GNB5: variants seen among roughly 807,000 people sequenced by gnomAD.
GNB5 encodes guanine nucleotide-binding protein subunit beta-5.
Under a neutral mutation model 55.3 loss-of-function variants are expected in GNB5, and 37 were observed. That is an observed-to-expected ratio of 0.67 (90% CI 0.51 to 0.88). GNB5 has a LOEUF of 0.88. Ranked by LOEUF, GNB5 falls within the 40% of genes least tolerant of loss-of-function variation. The pLI is 0.00. For synonymous variants in GNB5, 219 were observed against 198.5 expected, an observed-to-expected ratio of 1.10 and a Z score of -0.87; for missense variants, 476 against 515.3, an observed-to-expected ratio of 0.92 and a Z score of 0.74.
intron 6 of GNB5, among the ~76,000 whole-genome samples, chr15:52,144,815 C>T (rs1423007102): frequency 2.0e-5 from 3 of 152,198 alleles, no homozygotes; most frequent in African/African-American, 7.2e-5. Context: ...GCTGGCAATA[C>T]TCTGCATGTA....
chr15:52,128,111 A>G, intron 10 of GNB5, 85 bp downstream of exon 10: 1 of 898,600 alleles, frequency 1.1e-6, no homozygotes, highest in East Asian at 2.5e-5. Flanking sequence ...TTACTTCTGT[A>G]ACCAGAAAAA....
intron 8 of GNB5, among the ~76,000 whole-genome samples, chr15:52,134,117 A>G (rs115657103): frequency 0.016 from 2,447 of 152,324 alleles, 70 homozygotes; most frequent in African/African-American, 0.056. Flanking sequence ...ACACCTATAA[A>G]GTCAATGCTC....
At chr15:52,125,759 T>C (rs762446763) in intron 11 of GNB5, 189 bp downstream of exon 11, 7 of 562,226 alleles carry the variant, frequency 1.2e-5, no homozygotes, top group Non-Finnish European at 2.2e-5. Flanking sequence ...TGGAGTGAAG[T>C]TGCCTGGGGC....
chr15:52,173,443 A>G (rs1430670912), intron 3 of GNB5, among the ~76,000 whole-genome samples: 1 of 152,254 alleles, frequency 6.6e-6, no homozygotes, highest in South Asian at 2.1e-4. Flanking sequence ...GACAGAATAT[A>G]TGAAGTAAAC....
chr15:52,145,336 A>G (rs2033948472), intron 6 of GNB5, among the ~76,000 whole-genome samples: 1 of 152,034 alleles, frequency 6.6e-6, no homozygotes. Context: ...CTTTTGAGCT[A>G]TTTTAAAAAT....
Position 52,149,909 on chromosome 15 carries a change from A to C in GNB5, c.392T>G (p.Val131Gly), listed in dbSNP as rs187616858. Residue 131 changes from valine (V) to glycine (G), a missense_variant, in exon 5 of 13, where the codon GTG (valine) becomes GGG (glycine). Physicochemically the swap from Val to Gly is moderately radical, Grantham distance 109. Coordinates refer to ENST00000261837, the MANE Select transcript of GNB5 (RefSeq NM_016194.4). Reference sequence around the variant, plus strand: ...CTTGTTTGTGGTGAAGGAATCCCACACGATCACCTTCCCATCCTGGAGGGA... The same window carrying C: ...CTTGTTTGTGGTGAAGGAATCCCACCCGATCACCTTCCCATCCTGGAGGGA... ...VSSSQDGKVI[V>G]WDSFTTNKEH... 2.9e-5 allele frequency: 47 copies of C among 1,612,308 alleles called. No homozygotes were observed. The Admixed American group carries it at 7.8e-4, about 27-fold the overall frequency.
chr15:52,171,012 T>C (rs939400448), intron 3 of GNB5, among the ~76,000 whole-genome samples: 21 of 149,660 alleles, frequency 1.4e-4, no homozygotes, highest in Non-Finnish European at 3.0e-4. Context: ...GAGAAGCACT[T>C]CAATCTGGGA....
At chr15:52,165,234 T>C (rs983455090) in intron 3 of GNB5, among the ~76,000 whole-genome samples, 3 of 152,140 alleles carry the variant, frequency 2.0e-5, no homozygotes, top group Admixed American at 6.6e-5. Flanking sequence ...AACCTACAAC[T>C]GATTAGGGTA....
chr15:52,133,239 C>G, intron 9 of GNB5, 139 bp downstream of exon 9: 1 of 611,930 alleles, frequency 1.6e-6, no homozygotes, highest in Non-Finnish European at 2.9e-6. Context: ...TTCAGTTCCA[C>G]CACAATCAGC....
intron 3 of GNB5, among the ~76,000 whole-genome samples, chr15:52,159,434 A>T (rs1313052562): frequency 6.6e-6 from 1 of 152,142 alleles, no homozygotes; most frequent in Non-Finnish European, 1.5e-5. Flanking sequence ...GTCAGACTGG[A>T]ACAGCCTAGA....
At position 52,190,364 on chromosome 15, in the gene GNB5, G is replaced by A. The variant is rs564225281; in HGVS notation, c.-19+958C>T. On this transcript the variant is annotated intron_variant, in intron 1 of 12. Transcript: ENST00000261837. ...AATCTCCTGACCTCATGATCTGCCC[G>A]CCTCAGCCTCCCAAAGTGCTGGGAT... Among the ~76,000 whole-genome samples the A allele has an allele frequency of 3.3e-5, 5 of 152,146 alleles. No individual in the cohort carries two copies. In the East Asian group the frequency reaches 7.7e-4, roughly 24 times the overall value.
At chr15:52,172,196 C>T (rs759166520) in intron 3 of GNB5, among the ~76,000 whole-genome samples, 59 of 152,134 alleles carry the variant, frequency 3.9e-4, no homozygotes, top group Non-Finnish European at 8.4e-4. Flanking sequence ...TGCAGTGGTG[C>T]AATCATAGCT....
At chr15:52,150,637 C>T (rs3794544) in intron 4 of GNB5, among the ~76,000 whole-genome samples, 81,185 of 152,184 alleles carry the variant, frequency 0.53, 24,973 homozygotes, top group Non-Finnish European at 0.69. Flanking sequence ...CCAGGGTGAA[C>T]GCAGAGCTGG....
intron 7 of GNB5, chr15:52,137,312 G>C (rs1317969101): frequency 9.2e-7 from 1 of 1,091,678 alleles, no homozygotes; most frequent in Non-Finnish European, 1.1e-6. Context: ...ACACAGGAGG[G>C]TCCCAAACCC....
rs976240192 is a variant in GNB5, at chr15:52,180,067, T to C, written c.127-188A>G. On this transcript the variant is annotated intron_variant, in intron 2 of 12. Coordinates refer to ENST00000261837, the MANE Select transcript of GNB5 (RefSeq NM_016194.4). The stretch of plus-strand genomic sequence containing the variant: ...CAAGACCCCGCACCTGGGCGCGCGC[T>C]CTGGCGCAGTGCCTGGTGCGATGTC... 18 of 602,664 alleles carry C rather than the reference T, an allele frequency of 3.0e-5. No homozygotes were observed. In the African/African-American group the frequency reaches 3.5e-4, roughly 12 times the overall value. 37.3% of individuals were successfully genotyped at this position (602,664 alleles called of 1,614,324 possible). A position where few individuals can be genotyped will look rare whatever the true frequency, so the allele number is the denominator to read the frequency against.
chr15:52,184,016 A>G (rs1394355334), intron 2 of GNB5, among the ~76,000 whole-genome samples: 4 of 152,178 alleles, frequency 2.6e-5, no homozygotes, highest in Admixed American at 1.3e-4. Context: ...GTGAGATTCC[A>G]TCTTCATTAG....
chr15:52,186,188 C>G (rs1412232621), intron 1 of GNB5, among the ~76,000 whole-genome samples: 1 of 152,204 alleles, frequency 6.6e-6, no homozygotes, highest in Non-Finnish European at 1.5e-5. Flanking sequence ...TATAACCAGT[C>G]GCTAATCAAT....
intron 3 of GNB5, 102 bp downstream of exon 3, chr15:52,179,666 C>G (rs1351420499): frequency 1.5e-6 from 1 of 669,960 alleles, no homozygotes; most frequent in Non-Finnish European, 2.1e-6. Flanking sequence ...GCGGGCCTGG[C>G]TCCCGTCGCA....
rs1488670363 is a variant in GNB5 at position 52,153,975 on chromosome 15, A to G, written c.340T>C (p.Cys114Arg). Reference sequence around the variant, plus strand: ...CTCACGATCCTCCTCTTATCTTTGCACCAGTCCATGCACAGGACTTTGTTC... The same window carrying G: ...CTCACGATCCTCCTCTTATCTTTGCGCCAGTCCATGCACAGGACTTTGTTC... ...HGNKVLCMDW[C>R]KDKRRIVSSS... is the part of the protein sequence containing the mutation. The change falls in exon 4 of 13, where the codon TGC becomes CGC. Residue 114 changes from cysteine (C) to arginine (R), a missense_variant. Cys to Arg is a radical substitution (Grantham distance 180). Transcript: ENST00000261837. The G allele has an allele frequency of 1.2e-5, 20 of 1,613,828 alleles. No homozygotes were observed. Among genetic ancestry groups the G allele is most frequent in the Non-Finnish European group, 1.5e-5 (18 of 1,179,856 alleles).
Sources: gnomAD v4.1 joint callset for allele counts (sites outside exome capture counted in the v4.1 genomes callset) on GRCh38, gnomAD v4.1.1 for gene constraint, MANE v1.5 for transcripts, NCBI Gene and HGNC (gene_info 2026-07-23, HGNC 2026-07-21) for gene names.